The following SFMBT2 variants were observed in gnomAD, a reference collection of about 807,000 sequenced individuals.
SFMBT2 encodes Scm like with four mbt domains 2.
A neutral mutation model predicts 110.1 loss-of-function variants in SFMBT2; 38 were observed. The ratio of observed to expected loss-of-function variants is 0.35; its 90% CI spans 0.27 to 0.45. SFMBT2 has a LOEUF of 0.45. SFMBT2 is among the 20% of genes least tolerant of loss of function. The probability of loss-of-function intolerance (pLI) is 1.00; values close to 1 mark genes in which losing one functional copy is unlikely to be tolerated. For missense variants in SFMBT2, 1,011 were observed against 1,094.9 expected, an observed-to-expected ratio of 0.92 and a Z score of 1.08; for synonymous variants, 425 against 425.4, an observed-to-expected ratio of 1.00 and a Z score of 0.01.
chr10:7,195,769 G>A (rs1046804989), intron 15 of SFMBT2, among the ~76,000 whole-genome samples: 1 of 152,152 alleles, frequency 6.6e-6, no homozygotes, highest in East Asian at 1.9e-4. Context: ...ATCTCACAGT[G>A]TGCATGCCAG....
rs538365340 is a variant in SFMBT2, at chr10:7,407,476, C to T, written c.-52+3385G>A. Reference sequence around the variant, plus strand: ...TCTAAATTGGTTTCCCACCAATGGCCTCGGATCAGCCGCGGCTGTGCTGCG... The same window carrying T: ...TCTAAATTGGTTTCCCACCAATGGCTTCGGATCAGCCGCGGCTGTGCTGCG... On this transcript the variant is annotated intron_variant, in intron 1 of 20. Coordinates refer to ENST00000397167, the MANE Select transcript of SFMBT2 (RefSeq NM_001387889.1). Among the ~76,000 whole-genome samples, 476 of 152,240 alleles carry T rather than the reference C, an allele frequency of 3.1e-3. 5 individuals are homozygous for T. Among genetic ancestry groups the T allele is most frequent in the Middle Eastern group, 0.017 (5 of 294 alleles).
rs1846268200 is a variant in SFMBT2 at position 7,408,111 on chromosome 10, T to A, written c.-52+2750A>T. 6.6e-6 allele frequency among the ~76,000 whole-genome samples: 1 copy of A among 152,228 alleles called. No individual in the cohort carries two copies. The highest frequency in any genetic ancestry group is 2.1e-4 in the South Asian group (1 of 4,836). ...TCGGGGCCTTGGAGCAAATTGCGCT[T>A]GTCAGCGGCGACGTCAGGAGGACAA... On this transcript the variant is annotated intron_variant, in intron 1 of 20. Coordinates refer to ENST00000397167, the MANE Select transcript of SFMBT2 (RefSeq NM_001387889.1). The surrounding 1 kb of genome is among the most constrained non-coding windows in gnomAD (Gnocchi z 5.7).
At chr10:7,265,614 T>C (rs191426836) in intron 7 of SFMBT2, among the ~76,000 whole-genome samples, 5 of 152,200 alleles carry the variant, frequency 3.3e-5, no homozygotes, top group African/African-American at 1.2e-4. Flanking sequence ...GCTGGGGTAT[T>C]TTTAGTTGAT....
chr10:7,195,925 G>A (rs1290276900), intron 15 of SFMBT2, among the ~76,000 whole-genome samples: 6 of 152,092 alleles, frequency 3.9e-5, no homozygotes, highest in Admixed American at 3.3e-4. Flanking sequence ...TAGCCTTATC[G>A]ATTTCTGACA....
rs79035305 is a variant in SFMBT2 at position 7,234,443 on chromosome 10, A to G, written c.1121-6506T>C. Among the ~76,000 whole-genome samples the G allele has an allele frequency of 9.2e-3, 1,403 of 152,336 alleles. 22 individuals are homozygous for G. The highest frequency in any genetic ancestry group is 0.031 in the African/African-American group (1,284 of 41,562). On this transcript the variant is annotated intron_variant, in intron 9 of 20. Transcript: ENST00000397167. ...GTATGTGCCCAGGATGGGGTCTAAC[A>G]TCATATAAATATCAGCTGTCAATGG...
At position 7,227,849 on chromosome 10, in the gene SFMBT2, T is replaced by C. The variant is rs766430024; in HGVS notation, c.1203+6A>G. Reference sequence around the variant, plus strand: ...TTAAAAATTAGGTAAGAGAGAAGCTTCTTACATTTCGGAAGCAGAAGGGAG... The same window carrying C: ...TTAAAAATTAGGTAAGAGAGAAGCTCCTTACATTTCGGAAGCAGAAGGGAG... On this transcript the variant is annotated splice_donor_region_variant and intron_variant, in intron 10 of 20. Coordinates refer to ENST00000397167, the MANE Select transcript of SFMBT2 (RefSeq NM_001387889.1). 68 of 1,604,594 alleles carry C rather than the reference T, an allele frequency of 4.2e-5. No individual in the cohort carries two copies. The highest frequency in any genetic ancestry group is 4.0e-4 in the East Asian group (18 of 44,710).
intron 2 of SFMBT2, among the ~76,000 whole-genome samples, chr10:7,377,979 T>G (rs1237506786): frequency 1.8e-3 from 55 of 30,974 alleles, no homozygotes; most frequent in East Asian, 8.3e-3. Context: ...GTTGTGTGTG[T>G]GGGGGGGAGG....
chr10:7,218,445 G>A (rs1839615170), intron 11 of SFMBT2, among the ~76,000 whole-genome samples: 1 of 152,188 alleles, frequency 6.6e-6, no homozygotes, highest in Non-Finnish European at 1.5e-5. Flanking sequence ...TGTAAGTAAT[G>A]AAAAAGATGC....
chr10:7,223,977 T>C (rs1839827669), intron 10 of SFMBT2, among the ~76,000 whole-genome samples: 1 of 152,206 alleles, frequency 6.6e-6, no homozygotes, highest in African/African-American at 2.4e-5. Flanking sequence ...TGTCTGCTCA[T>C]TCCAACACCT....
Position 7,301,392 on chromosome 10 carries a change from G to A in SFMBT2, c.437-15438C>T, listed in dbSNP as rs2131881722. ...GTCAAGCAGCTCTTCCAATCATCAA[G>A]TGAGGAATGAAGAAAGCCCGAACTC... On this transcript the variant is annotated intron_variant, in intron 4 of 20. Transcript: ENST00000397167. This position sits in a 1 kb window ranked among gnomAD's most constrained non-coding sequence, Gnocchi z 4.2. 6.6e-6 allele frequency among the ~76,000 whole-genome samples: 1 copy of A among 152,352 alleles called. No homozygotes were observed. The highest frequency in any genetic ancestry group is 1.5e-5 in the Non-Finnish European group (1 of 68,026).
At chr10:7,188,284 T>C (rs1397191036) in intron 16 of SFMBT2, among the ~76,000 whole-genome samples, 3 of 152,224 alleles carry the variant, frequency 2.0e-5, no homozygotes, top group Non-Finnish European at 4.4e-5. Flanking sequence ...ATGAACATAG[T>C]ATAATAATGA....
intron 10 of SFMBT2, among the ~76,000 whole-genome samples, chr10:7,226,993 C>T (rs1276039601): frequency 6.6e-6 from 1 of 152,172 alleles, no homozygotes; most frequent in African/African-American, 2.4e-5. Context: ...TTAAGCAATG[C>T]ATGACTGTAG....
At position 7,293,707 on chromosome 10, in the gene SFMBT2, T is replaced by A. The variant is rs757332148; in HGVS notation, c.437-7753A>T. 2.0e-5 allele frequency among the ~76,000 whole-genome samples: 3 copies of A among 151,836 alleles called. No homozygotes were observed. Among genetic ancestry groups the A allele is most frequent in the Non-Finnish European group, 4.4e-5 (3 of 67,946 alleles). On this transcript the variant is annotated intron_variant, in intron 4 of 20. Transcript: ENST00000397167. The surrounding 1 kb of genome is among the most constrained non-coding windows in gnomAD (Gnocchi z 4.6). ...GTCAAAGTTCCTCTCTCTTTCTCTTTCTCTCTCTCTCTTTCTCTCCCTCTC... is the reference window on the plus strand; with the variant it reads ...GTCAAAGTTCCTCTCTCTTTCTCTTACTCTCTCTCTCTTTCTCTCCCTCTC...
intron 4 of SFMBT2, among the ~76,000 whole-genome samples, chr10:7,337,407 A>C (rs553820873): frequency 6.6e-5 from 10 of 152,332 alleles, no homozygotes; most frequent in Admixed American, 3.3e-4. Context: ...TTGAAGGCAG[A>C]GCCCAGTGAG....
At chr10:7,372,940 C>T (rs1215506009) in intron 2 of SFMBT2, among the ~76,000 whole-genome samples, 1 of 152,238 alleles carries the variant, frequency 6.6e-6, no homozygotes, top group Admixed American at 6.5e-5. Context: ...AAAGCAGCCA[C>T]CGCCCTCCCA....
At chr10:7,218,092 C>T (rs1472236993) in intron 11 of SFMBT2, among the ~76,000 whole-genome samples, 1 of 152,140 alleles carries the variant, frequency 6.6e-6, no homozygotes, top group Non-Finnish European at 1.5e-5. Flanking sequence ...GTTGAAAACA[C>T]TTCAAATCAA....
intron 9 of SFMBT2, among the ~76,000 whole-genome samples, chr10:7,233,612 G>T (rs770996735): frequency 5.9e-5 from 9 of 152,218 alleles, no homozygotes; most frequent in Non-Finnish European, 1.2e-4. Context: ...GTGCATAAAT[G>T]TTGATGCAAC....
intron 17 of SFMBT2, among the ~76,000 whole-genome samples, chr10:7,175,441 G>C (rs929084039): frequency 2.6e-5 from 4 of 152,214 alleles, no homozygotes; most frequent in Admixed American, 6.5e-5. Context: ...CCTGTGTCCT[G>C]GGAGAGAGGC....
intron 20 of SFMBT2, among the ~76,000 whole-genome samples, chr10:7,167,249 A>T (rs1837720763): frequency 6.6e-6 from 1 of 152,234 alleles, no homozygotes; most frequent in African/African-American, 2.4e-5. Context: ...TCTCTGACTG[A>T]TGAAAGCTGA....
Sources: allele counts gnomAD v4.1 joint callset (sites outside exome capture counted in the v4.1 genomes callset), GRCh38; gene constraint gnomAD v4.1.1; non-coding constraint Gnocchi (gnomAD v3.1); transcripts MANE v1.5; gene names NCBI Gene and HGNC (gene_info 2026-07-23, HGNC 2026-07-21).